Variants in PLEKHA6 observed in about 807,000 individuals in gnomAD.
The protein encoded by PLEKHA6 is pleckstrin homology domain containing A6.
A neutral mutation model predicts 116.7 loss-of-function variants in PLEKHA6; 60 were observed. The observed-to-expected ratio is 0.51, with a 90% CI of 0.42 to 0.64. The LOEUF is 0.64. PLEKHA6 is among the 30% of genes least tolerant of loss of function. The probability of loss-of-function intolerance (pLI) is 0.00; values close to 1 mark genes in which losing one functional copy is unlikely to be tolerated. For missense variants in PLEKHA6, 1,338 were observed against 1,422.7 expected, an observed-to-expected ratio of 0.94 and a Z score of 0.96; for synonymous variants, 489 against 556.1, an observed-to-expected ratio of 0.88 and a Z score of 1.70.
At chr1:204,335,224 T>TC (rs1336529356) in intron 1 of PLEKHA6, among the ~76,000 whole-genome samples, 1 of 150,518 alleles carries the variant, frequency 6.6e-6, no homozygotes, top group Non-Finnish European at 1.5e-5. Flanking sequence ...CCCCACCACT[T>TC]CCCCCCACAC....
rs575223804 is a variant in PLEKHA6 at position 204,366,457 on chromosome 1, G to A, written c.218+1342C>T. ...AGAAAGAAAAGAAAAATTTGCTTTC[G>A]CTTTAAGAATATGGTTAACAGGCCC... On this transcript the variant is annotated intron_variant, in intron 3 of 4. Coordinates refer to the PLEKHA6 transcript ENST00000564627. 1.9e-4 allele frequency among the ~76,000 whole-genome samples: 29 copies of A among 152,218 alleles called. No homozygotes were observed. In the East Asian group the frequency reaches 4.3e-3, roughly 22 times the overall value.
chr1:204,287,934 A>G (rs1388205065), intron 1 of PLEKHA6, among the ~76,000 whole-genome samples: 1 of 152,122 alleles, frequency 6.6e-6, no homozygotes, highest in East Asian at 1.9e-4. Flanking sequence ...AATTTTAAAG[A>G]TTTCCTTCTA....
intron 15 of PLEKHA6, among the ~76,000 whole-genome samples, chr1:204,242,358 C>T (rs1662951094): frequency 6.6e-6 from 1 of 152,148 alleles, no homozygotes; most frequent in South Asian, 2.1e-4. Context: ...AAAAGAAGAC[C>T]AGGCTAAAGG....
chr1:204,253,085 T>C (rs1364095549), intron 9 of PLEKHA6, among the ~76,000 whole-genome samples: 6 of 152,214 alleles, frequency 3.9e-5, no homozygotes, highest in Non-Finnish European at 8.8e-5. Context: ...CCTAACCCAG[T>C]GCCTCACACA....
intron 1 of PLEKHA6, chr1:204,326,010 C>A (rs535129025): frequency 1.9e-6 from 1 of 525,228 alleles, no homozygotes; most frequent in African/African-American, 2.1e-5. Context: ...CCTGCCCAGC[C>A]GTCTCCCTAA....
chr1:204,251,158 C>T (rs1478265505), intron 9 of PLEKHA6, among the ~76,000 whole-genome samples: 1 of 152,218 alleles, frequency 6.6e-6, no homozygotes, highest in Non-Finnish European at 1.5e-5. Context: ...GACCACAGCA[C>T]ATTCTATACA....
intron 1 of PLEKHA6, among the ~76,000 whole-genome samples, chr1:204,298,564 T>C (rs1439272600): frequency 6.6e-6 from 1 of 152,088 alleles, no homozygotes; most frequent in East Asian, 1.9e-4. Context: ...GCCTTGCCCG[T>C]CCTCATGCCA....
At chr1:204,268,432 A>C in intron 3 of PLEKHA6, 120 bp from the exon 4 acceptor site, 1 of 492,756 alleles carries the variant, frequency 2.0e-6, no homozygotes. Context: ...GTGCCCTCAC[A>C]CCAAGGGGCC....
Position 204,243,791 on chromosome 1 carries a change from G to A in PLEKHA6, c.2172+1073C>T, listed in dbSNP as rs754742739. ...GAGTGAAGCCTTTGAGCACATGTGC[G>A]TATCTTTATTTTATTTTTCTTTTTT... On this transcript the variant is annotated intron_variant, in intron 15 of 22. Coordinates refer to ENST00000272203, the MANE Select transcript of PLEKHA6 (RefSeq NM_014935.5). Among the ~76,000 whole-genome samples the A allele has an allele frequency of 4.6e-5, 7 of 152,180 alleles. No individual in the cohort carries two copies. In the South Asian group the frequency reaches 6.2e-4, roughly 14 times the overall value.
chr1:204,317,765 T>C (rs1671914144), intron 1 of PLEKHA6, among the ~76,000 whole-genome samples: 1 of 152,256 alleles, frequency 6.6e-6, no homozygotes, highest in Admixed American at 6.5e-5. Context: ...GAACGTAGTG[T>C]ATACTGCACT....
intron 11 of PLEKHA6, 40 bp downstream of exon 11, chr1:204,249,144 G>T (rs372082013): frequency 3.2e-6 from 5 of 1,548,128 alleles, no homozygotes; most frequent in East Asian, 2.2e-5. Flanking sequence ...AGCCAGCCTC[G>T]CCCATCTGCC....
intron 1 of PLEKHA6, among the ~76,000 whole-genome samples, chr1:204,328,592 G>A (rs906385510): frequency 2.6e-5 from 4 of 151,722 alleles, no homozygotes; most frequent in African/African-American, 9.7e-5. Flanking sequence ...CTCCATGTTG[G>A]TCAGGCTAGT....
At chr1:204,309,981 G>T (rs900077321) in intron 1 of PLEKHA6, among the ~76,000 whole-genome samples, 3 of 152,080 alleles carry the variant, frequency 2.0e-5, no homozygotes, top group Non-Finnish European at 2.9e-5. Context: ...TCTACTTGTG[G>T]ACACTAAAAT....
At chr1:204,323,577 G>GA (rs755432738) in intron 1 of PLEKHA6, among the ~76,000 whole-genome samples, 11 of 152,238 alleles carry the variant, frequency 7.2e-5, no homozygotes, top group Non-Finnish European at 1.3e-4. Context: ...AAGCTAATGT[G>GA]AAATTAGAGG....
chr1:204,327,656 G>T (rs1451829511), intron 1 of PLEKHA6, among the ~76,000 whole-genome samples: 1 of 152,224 alleles, frequency 6.6e-6, no homozygotes, highest in Non-Finnish European at 1.5e-5. Flanking sequence ...GCTGTGCCAG[G>T]CCCCAGGGGA....
Position 204,268,261 on chromosome 1 carries a change from T to C in PLEKHA6, c.154A>G (p.Met52Val), listed in dbSNP as rs754391837. 1.2e-6 allele frequency: 2 copies of C among 1,612,824 alleles called. No homozygotes were observed. The highest frequency in any genetic ancestry group is 4.5e-5 in the East Asian group (2 of 44,724). Residue 52 changes from methionine (M) to valine (V), a missense_variant, in exon 4 of 23, where the codon ATG becomes GTG. Met to Val is a conservative substitution (Grantham distance 21). This residue lies in a region of PLEKHA6 where 140 missense variants were observed against 197.4 expected (regional missense o/e 0.71). Coordinates refer to ENST00000272203, the MANE Select transcript of PLEKHA6 (RefSeq NM_014935.5). The stretch of plus-strand genomic sequence containing the variant: ...ACAGGTGCATTGGGGTTCCGCTTCA[T>C]GGAGTGTGAGCGCTTGCCAAAGGCG... ...AVAFGKRSHS[M>V]KRNPNAPVTK...
intron 3 of PLEKHA6, among the ~76,000 whole-genome samples, chr1:204,271,563 C>T (rs1454801846): frequency 2.0e-5 from 3 of 152,210 alleles, no homozygotes; most frequent in African/African-American, 7.2e-5. Context: ...CAGTCCAACA[C>T]TTTCATAATT....
rs761738884 is a variant in PLEKHA6 at position 204,248,881 on chromosome 1, T to C, written c.1764A>G (p.Lys588=). The C allele has an allele frequency of 1.2e-6, 2 of 1,614,146 alleles. No individual in the cohort carries two copies. The highest frequency in any genetic ancestry group is 4.5e-5 in the East Asian group (2 of 44,880). Residue 588 remains lysine (K), a synonymous_variant, in exon 12 of 23, where the codon AAA becomes AAG. Transcript: ENST00000272203. ...QPAYPEKLRH[K]KDSLQNQLIN... ...TGAGCTGGTTCTGCAGTGAATCCTTTTTGTGTCGCAGCTTTTCTGGGTAGG... is the reference window on the plus strand; with the variant it reads ...TGAGCTGGTTCTGCAGTGAATCCTTCTTGTGTCGCAGCTTTTCTGGGTAGG...
chr1:204,312,627 T>G (rs1476015302), intron 1 of PLEKHA6, among the ~76,000 whole-genome samples: 1 of 152,182 alleles, frequency 6.6e-6, no homozygotes, highest in Non-Finnish European at 1.5e-5. Context: ...GGTAAATATT[T>G]GGCTGGCTCA....
Sources: allele counts gnomAD v4.1 joint callset (sites outside exome capture counted in the v4.1 genomes callset), GRCh38; gene constraint gnomAD v4.1.1; regional missense constraint gnomAD v4.1.1; transcripts MANE v1.5; gene names NCBI Gene and HGNC (gene_info 2026-07-23, HGNC 2026-07-21).